The following PPP2R2D variants were observed in gnomAD, a reference collection of about 807,000 sequenced individuals.
PPP2R2D encodes the protein protein phosphatase 2 regulatory subunit Bdelta, also known as serine/threonine-protein phosphatase 2A 55 kDa regulatory subunit B delta isoform.
In PPP2R2D, 9 loss-of-function variants were observed where a neutral mutation model predicts 31.1. The observed-to-expected ratio is 0.29, with a 90% CI of 0.17 to 0.51. The LOEUF is 0.51. Ranked by LOEUF, PPP2R2D falls within the 20% of genes least tolerant of loss-of-function variation. The probability of loss-of-function intolerance (pLI) is 0.98; values close to 1 mark genes in which losing one functional copy is unlikely to be tolerated. For synonymous variants in PPP2R2D, 179 were observed against 172.6 expected (o/e 1.04, Z -0.29); for missense variants, 391 against 465.6 (o/e 0.84, Z 1.48).
At chr10:131,918,365 AGT>A (rs1354405761) in intron 2 of PPP2R2D, among the ~76,000 whole-genome samples, 2 of 136,534 alleles carry the variant, frequency 1.5e-5, no homozygotes, top group African/African-American at 5.6e-5. Flanking sequence ...GGAATGACAC[AGT>A]GTTTGTAGGG....
chr10:131,941,836 A>T (rs1353719538), intron 5 of PPP2R2D, among the ~76,000 whole-genome samples: 1 of 152,166 alleles, frequency 6.6e-6, no homozygotes, highest in South Asian at 2.1e-4. Context: ...GACTTCTCAC[A>T]TCGATGTTGT....
rs141773228 is a variant in PPP2R2D, at chr10:131,929,885, C to T, written c.101-4573C>T. On this transcript the variant is annotated intron_variant, in intron 2 of 8. Transcript: ENST00000455566. ...CCTCATTCCTCGTCACCTGCCCCTC[C>T]TCTCTTGCCACCTGAGGCCGCCCCG... is the stretch of plus-strand genomic sequence containing the variant. Among the ~76,000 whole-genome samples the T allele has an allele frequency of 6.8e-3, 1,034 of 152,314 alleles. 10 individuals are homozygous for T. Among genetic ancestry groups the T allele is most frequent in the African/African-American group, 0.024 (998 of 41,552 alleles).
At chr10:131,912,369 T>A (rs1461767885) in intron 2 of PPP2R2D, 3 of 152,276 alleles carry the variant, frequency 2.0e-5, no homozygotes, top group African/African-American at 7.2e-5. Context: ...CTATTTTTTG[T>A]AGAGACAGGG....
chr10:131,904,821 G>T (rs1196495788), intron 2 of PPP2R2D, among the ~76,000 whole-genome samples: 1 of 152,210 alleles, frequency 6.6e-6, no homozygotes, highest in Non-Finnish European at 1.5e-5. Flanking sequence ...CTAGGAGTAG[G>T]CACTCCTGAC....
chr10:131,908,702 T>A (rs1051571121), intron 2 of PPP2R2D, among the ~76,000 whole-genome samples: 27 of 152,360 alleles, frequency 1.8e-4, no homozygotes, highest in African/African-American at 6.0e-4. Context: ...ACAGGGTTGC[T>A]GTGAAGATTC....
chr10:131,922,908 C>T (rs956714493), intron 2 of PPP2R2D, among the ~76,000 whole-genome samples: 6 of 152,144 alleles, frequency 3.9e-5, no homozygotes, highest in African/African-American at 7.2e-5. Flanking sequence ...ATAATTTAGT[C>T]TACTTTTAGA....
chr10:131,901,841 C>T (rs1372770433), intron 2 of PPP2R2D, among the ~76,000 whole-genome samples: 10 of 152,174 alleles, frequency 6.6e-5, no homozygotes, highest in African/African-American at 2.4e-4. Flanking sequence ...AGCTGGTTGC[C>T]TCGGCTCCCT....
At chr10:131,935,245 A>C (rs540924018) in intron 3 of PPP2R2D, among the ~76,000 whole-genome samples, 1 of 152,250 alleles carries the variant, frequency 6.6e-6, no homozygotes, top group African/African-American at 2.4e-5. Flanking sequence ...TTGGTAGTCA[A>C]GGATTCCTGG....
At chr10:131,948,971 G>A (rs1199793216) in intron 8 of PPP2R2D, among the ~76,000 whole-genome samples, 2 of 152,202 alleles carry the variant, frequency 1.3e-5, no homozygotes, top group Non-Finnish European at 2.9e-5. Context: ...CCTCACAAGG[G>A]TTTGCAGTTT....
intron 2 of PPP2R2D, among the ~76,000 whole-genome samples, chr10:131,925,090 C>A (rs980356783): frequency 1.3e-5 from 2 of 152,148 alleles, no homozygotes; most frequent in Non-Finnish European, 2.9e-5. Context: ...CAATATAATG[C>A]CATCTGTGAA....
intron 2 of PPP2R2D, chr10:131,911,454 A>G (rs2035681202): frequency 6.6e-6 from 1 of 152,386 alleles, no homozygotes; most frequent in South Asian, 2.1e-4. Context: ...ATTTTATCAC[A>G]GGGTTGGAAT....
chr10:131,935,006 G>A (rs2036313465), intron 3 of PPP2R2D: 2 of 454,584 alleles, frequency 4.4e-6, no homozygotes, highest in Non-Finnish European at 8.8e-6. Context: ...TTCAGGGAGA[G>A]GTGAGCAGCA....
In PPP2R2D at chr10:131,937,372, C is replaced by T. The variant is rs565335363; in HGVS notation, c.199-2659C>T. 3.9e-5 allele frequency among the ~76,000 whole-genome samples: 6 copies of T among 152,330 alleles called. No homozygotes were observed. In the East Asian group the frequency reaches 7.7e-4, roughly 20 times the overall value. ...ACTGCCCTCCAGGCTCAGCTCTAGC[C>T]GCCAGGAATCAGGTGAAATCAGAAA... On this transcript the variant is annotated intron_variant, in intron 3 of 8. Transcript: ENST00000455566.
At chr10:131,963,546 C>T (rs562289905), downstream of PPP2R2D, among the ~76,000 whole-genome samples, 156 of 152,310 alleles carry the variant, frequency 1.0e-3, no homozygotes, top group Admixed American at 1.8e-3. Flanking sequence ...CCTCACTGCG[C>T]GCGTCTGGGC....
the PPP2R2D span, chr10:131,969,771 G>A: frequency 0.14 from 20,952 of 149,528 alleles, 1,526 homozygotes; most frequent in Non-Finnish European, 0.16. Context: ...GCTGGGACCA[G>A]CCCGAGGAGG....
chr10:131,909,893 C>G (rs1039072560), intron 2 of PPP2R2D, among the ~76,000 whole-genome samples: 1 of 152,192 alleles, frequency 6.6e-6, no homozygotes, highest in Admixed American at 6.5e-5. Context: ...TGAGAAACAA[C>G]TTTTCAAAAA....
the PPP2R2D span, among the ~76,000 whole-genome samples, chr10:131,964,940 C>T: frequency 6.6e-6 from 1 of 152,170 alleles, no homozygotes; most frequent in South Asian, 2.1e-4. Flanking sequence ...CACCTCTTTC[C>T]ACCCCGGGGT....
chr10:131,905,519 C>A (rs974750764), intron 2 of PPP2R2D, among the ~76,000 whole-genome samples: 2 of 152,292 alleles, frequency 1.3e-5, no homozygotes, highest in South Asian at 2.1e-4. Context: ...CTGGCTGTCC[C>A]CCTTCCCACC....
At chr10:131,939,060 C>G (rs1330283504) in intron 3 of PPP2R2D, among the ~76,000 whole-genome samples, 1 of 152,276 alleles carries the variant, frequency 6.6e-6, no homozygotes, top group African/African-American at 2.4e-5. Context: ...TCCACTAACA[C>G]TTGCCTTAAA....
Sources: gnomAD v4.1 joint callset for allele counts (sites outside exome capture counted in the v4.1 genomes callset) on GRCh38, gnomAD v4.1.1 for gene constraint, MANE v1.5 for transcripts, NCBI Gene and HGNC (gene_info 2026-07-23, HGNC 2026-07-21) for gene names.